NOX1: variants seen among roughly 807,000 people sequenced by gnomAD.
NOX1 encodes the protein NADPH oxidase 1, also known as NADH/NADPH mitogenic oxidase subunit P65-MOX.
A neutral mutation model predicts 42.5 loss-of-function variants in NOX1; 34 were observed. That is an observed-to-expected ratio of 0.80 (90% confidence interval 0.61 to 1.07). The LOEUF (loss-of-function observed/expected upper bound fraction) is 1.07, where lower values mean the gene tolerates loss of function less well. NOX1 is among the 50% of genes least tolerant of loss of function. NOX1 has a pLI of 0.00. For synonymous variants in NOX1, 143 were observed against 152.5 expected (o/e 0.94, Z 0.46); for missense variants, 408 against 427.0 (o/e 0.96, Z 0.39).
At chrX:100,853,332 CTCTT>C (rs757872071) in intron 7 of NOX1, among the ~76,000 whole-genome samples, 790 of 19,258 alleles carry the variant, frequency 0.041, 47 homozygotes, top group Non-Finnish European at 0.049. Flanking sequence ...CTCTCTCTTT[CTCTT>C]TCTTTCTTTC....
Position 100,849,847 on chromosome X carries a change from G to A in NOX1, c.1221C>T (p.Val407=), listed in dbSNP as rs751492493. The A allele has an allele frequency of 8.3e-6, 10 of 1,210,880 alleles. No individual in the cohort carries two copies. ...ATTTCAAGATAGAAGCAAAGGGGGT[G>A]ACCCCAATTCCTGCTCCAACCAGCA... The part of the protein sequence containing the change: ...VAVLVGAGIG[V]TPFASILKSI... The change falls in exon 10 of 13, where the codon GTC becomes GTT. Residue 407 remains valine, a synonymous_variant. Coordinates refer to ENST00000372966, the MANE Select transcript of NOX1 (RefSeq NM_007052.5).
At chrX:100,868,389 G>A (rs1026078151) in intron 2 of NOX1, among the ~76,000 whole-genome samples, 3 of 112,029 alleles carry the variant, frequency 2.7e-5, no homozygotes, top group African/African-American at 3.2e-5. Context: ...TAATAGACTA[G>A]AGGTAGCAGT....
chrX:100,870,719 C>T lies in NOX1; in HGVS notation c.141G>A (p.Gly47=), dbSNP rs752032623. The part of the protein sequence containing the change: ...DKYYYTRKIL[G]STLACARASA... Reference sequence around the variant, plus strand: ...TATCCGTGACAACCGTGATACTCACCCCAAGGATTTTTCTTGTGTAGTAGT... The same window carrying T: ...TATCCGTGACAACCGTGATACTCACTCCAAGGATTTTTCTTGTGTAGTAGT... The change falls in exon 2 of 13, where the codon GGG becomes GGA. Residue 47 remains glycine, a splice_region_variant and synonymous_variant. Coordinates refer to ENST00000372966, the MANE Select transcript of NOX1 (RefSeq NM_007052.5). 1.8e-6 allele frequency: 2 copies of T among 1,115,221 alleles called. No individual in the cohort carries two copies. Among genetic ancestry groups the T allele is most frequent in the East Asian group, 3.0e-5 (1 of 33,305 alleles). The allele number at this position is 1,115,221 out of a possible 1,213,427, so 91.9% of individuals were successfully genotyped here.
chrX:100,862,311 A>G lies in NOX1; in HGVS notation c.672-8T>C, dbSNP rs772195085. 8.3e-6 allele frequency: 10 copies of G among 1,209,468 alleles called. No homozygotes were observed. On this transcript the variant is annotated splice_region_variant and splice_polypyrimidine_tract_variant and intron_variant, in intron 6 of 12. Transcript: ENST00000372966. ...TGACCCCGGACAATTCCACTGAAAT[A>G]GACAAAGAAGGATGGTTTGGGACAA...
intron 2 of NOX1, 30 bp downstream of exon 2, chrX:100,870,689 G>A (rs777011792): frequency 5.6e-6 from 5 of 891,159 alleles, no homozygotes; most frequent in Middle Eastern, 2.7e-4. Context: ...AAACAATAGA[G>A]ATTCTATCCG....
intron 7 of NOX1, among the ~76,000 whole-genome samples, chrX:100,853,344 T>TTCTCTC (rs2085140923): frequency 1.1e-5 from 1 of 93,063 alleles, no homozygotes; most frequent in African/African-American, 4.2e-5. Flanking sequence ...CTTTCTTTCT[T>TTCTCTC]TCTTTCTTTC....
rs185128406 is a variant in NOX1 at position 100,854,155 on chromosome X, T to C, written c.805-2830A>G. ...GAGACTGTCTCAAAACAAAAAAAAA[T>C]GTTTCAAAGGAAAGCATCCATTATA... On this transcript the variant is annotated intron_variant, in intron 7 of 12. Coordinates refer to ENST00000372966, the MANE Select transcript of NOX1 (RefSeq NM_007052.5). Among the ~76,000 whole-genome samples, 530 of 110,674 alleles carry C rather than the reference T, an allele frequency of 4.8e-3. 7 individuals carry two copies. The highest frequency in any genetic ancestry group is 0.016 in the African/African-American group (493 of 30,481).
At chrX:100,852,140 T>C (rs951980180) in intron 7 of NOX1, among the ~76,000 whole-genome samples, 4 of 112,149 alleles carry the variant, frequency 3.6e-5, no homozygotes, top group African/African-American at 1.3e-4. Context: ...TTTAACATAG[T>C]AATATCTTTT....
intron 7 of NOX1, 152 bp downstream of exon 7, chrX:100,862,019 T>G: frequency 1.7e-6 from 1 of 582,882 alleles, no homozygotes; most frequent in South Asian, 4.3e-5. Flanking sequence ...ACTGGAAGTT[T>G]CTTAAAGGTA....
intron 7 of NOX1, among the ~76,000 whole-genome samples, chrX:100,853,332 C>CTCTTTCTTTCTTTCTTTCTTTCTTTCTT (rs757872071): frequency 8.3e-4 from 16 of 19,340 alleles, no homozygotes; most frequent in African/African-American, 7.4e-3. Context: ...CTCTCTCTTT[C>CTCTTTCTTTCTTTCTTTCTTTCTTTCTT]TCTTTCTTTC....
chrX:100,874,117 T>C lies in NOX1; in HGVS notation c.23A>G (p.His8Arg). 8.3e-7 allele frequency: 1 copy of C among 1,205,420 alleles called. No individual in the cohort carries two copies. The highest frequency in any genetic ancestry group is 1.1e-6 in the Non-Finnish European group (1 of 890,453). ...TACCAGAAACAAAACTGAAAACCAG[T>C]GGTTAACCACCCAGTTTCCCATTGT... MGNWVVN[H>R]WFSVLFLVVW... Residue 8 changes from histidine (H) to arginine (R), a missense_variant, in exon 1 of 13, where the codon CAC becomes CGC. Coordinates refer to ENST00000372966, the MANE Select transcript of NOX1 (RefSeq NM_007052.5).
At chrX:100,857,471 C>T (rs1309647321) in intron 7 of NOX1, among the ~76,000 whole-genome samples, 1 of 112,129 alleles carries the variant, frequency 8.9e-6, no homozygotes, top group Non-Finnish European at 1.9e-5. Flanking sequence ...TCCACAATGG[C>T]TGAACTAATT....
chrX:100,848,300 T>C (rs1349364480), intron 12 of NOX1, among the ~76,000 whole-genome samples: 1 of 111,014 alleles, frequency 9.0e-6, no homozygotes, highest in African/African-American at 3.3e-5. Context: ...TCTTTTTTTT[T>C]TTCTTTTGAG....
chrX:100,849,786 G>T lies in NOX1; in HGVS notation c.1282C>A (p.Leu428Ile). Residue 428 changes from leucine (L) to isoleucine (I), a missense_variant, in exon 10 of 13, where the codon CTC (leucine) becomes ATC (isoleucine). Physicochemically the swap from Leu to Ile is conservative, Grantham distance 5. Transcript: ENST00000372966. ...CGGGATTATACCTTTTTTGTTTTGA[G>T]GTTGTGGTCTGCACACTGGAATTTG... ...WYKFQCADHN[L>I]KTKKIYFYWI... is the part of the protein sequence containing the mutation. 8.3e-7 allele frequency: 1 copy of T among 1,200,722 alleles called. No homozygotes were observed. Among genetic ancestry groups the T allele is most frequent in the Non-Finnish European group, 1.1e-6 (1 of 891,977 alleles).
intron 7 of NOX1, among the ~76,000 whole-genome samples, chrX:100,858,188 G>A (rs1170116699): frequency 2.7e-5 from 3 of 111,955 alleles, no homozygotes; most frequent in Non-Finnish European, 3.8e-5. Context: ...ATTGAACAGA[G>A]TCCTTTCCCC....
rs1482293477 is a variant in NOX1 at position 100,843,428 on chromosome X, CTG to C, written c.*522_*523del. 22 of 1,131,073 alleles carry C rather than the reference CTG, an allele frequency of 1.9e-5. No individual in the cohort carries two copies. The highest frequency in any genetic ancestry group is 2.4e-5 in the Non-Finnish European group (21 of 859,969). The allele number at this position is 1,131,073 out of a possible 1,213,427, so 93.2% of individuals were successfully genotyped here. Reference sequence around the variant, plus strand: ...TCAAAAGTGACAGTAAACATGTACACTGTTGGTGTTATATGGGGATGGGGTTC... The same window carrying C: ...TCAAAAGTGACAGTAAACATGTACACTTGGTGTTATATGGGGATGGGGTTC... On this transcript the variant is annotated 3_prime_UTR_variant, in exon 13 of 13. Transcript: ENST00000372966.
chrX:100,852,391 C>A (rs1283889482), intron 7 of NOX1, among the ~76,000 whole-genome samples: 3 of 111,532 alleles, frequency 2.7e-5, no homozygotes, highest in Non-Finnish European at 5.6e-5. Context: ...ATCACTCGAA[C>A]CCAGGAGGTC....
Position 100,844,098 on chromosome X carries a change from G to GT in NOX1, c.1569-21dup, listed in dbSNP as rs2085055576. ...ACAGACCTGTAGGAACAGAACAATA[G>GT]TAAGGGCTAGAATGCAGCAATGACA... On this transcript the variant is annotated intron_variant, in intron 12 of 12. Coordinates refer to ENST00000372966, the MANE Select transcript of NOX1 (RefSeq NM_007052.5). The GT allele has an allele frequency of 8.6e-7, 1 of 1,156,229 alleles. No homozygotes were observed.
chrX:100,845,659 G>A lies in NOX1; in HGVS notation c.1569-1581C>T, dbSNP rs766311856. On this transcript the variant is annotated intron_variant, in intron 12 of 12. Transcript: ENST00000372966. ...GAGACAGAGTCTTGCACTGTCACCCGGGCTGGAGTACAATGGTATGATCTG... is the reference window on the plus strand; with the variant it reads ...GAGACAGAGTCTTGCACTGTCACCCAGGCTGGAGTACAATGGTATGATCTG... 6.2e-3 allele frequency among the ~76,000 whole-genome samples: 578 copies of A among 93,715 alleles called. 2 individuals carry two copies. Among genetic ancestry groups the A allele is most frequent in the African/African-American group, 0.017 (424 of 24,428 alleles). The allele number at this position is 93,715 out of a possible 115,157, so 81.4% of individuals were successfully genotyped here. A position where few individuals can be genotyped will look rare whatever the true frequency, so the allele number is the denominator to read the frequency against.
Sources: allele counts gnomAD v4.1 joint callset (sites outside exome capture counted in the v4.1 genomes callset), GRCh38; gene constraint gnomAD v4.1.1; transcripts MANE v1.5; gene names NCBI Gene and HGNC (gene_info 2026-07-23, HGNC 2026-07-21).